Variants in DLGAP2 observed in about 807,000 individuals in gnomAD.
DLGAP2 encodes disks large-associated protein 2.
DLGAP2 carries 26 observed loss-of-function variants against 100.3 expected under a neutral mutation model. The observed-to-expected ratio is 0.26, with a 90% CI of 0.19 to 0.36. The LOEUF is 0.36. DLGAP2 is among the 10% of genes least tolerant of loss of function. The pLI is 1.00. For missense variants in DLGAP2, 1,858 were observed against 1,453.2 expected (o/e 1.28, Z -4.53); for synonymous variants, 886 against 630.1 (o/e 1.41, Z -6.08).
intron 2 of DLGAP2, among the ~76,000 whole-genome samples, chr8:929,167 C>T (rs557299538): frequency 0.67 from 447 of 670 alleles, 157 homozygotes; most frequent in Non-Finnish European, 0.7. Flanking sequence ...CCAGACCCCC[C>T]GCCATTCCCC....
chr8:842,028 C>T (rs1277284880), intron 1 of DLGAP2, among the ~76,000 whole-genome samples: 5 of 152,190 alleles, frequency 3.3e-5, no homozygotes, highest in Admixed American at 1.3e-4. Flanking sequence ...AAGTACCTTT[C>T]TCACATGCTC....
intron 7 of DLGAP2, among the ~76,000 whole-genome samples, chr8:1,631,832 A>C (rs7820955): frequency 6.6e-6 from 1 of 152,208 alleles, no homozygotes; most frequent in Non-Finnish European, 1.5e-5. Flanking sequence ...ACTTGGAGAC[A>C]GGCAACCAGT....
intron 3 of DLGAP2, among the ~76,000 whole-genome samples, chr8:1,348,585 CATTA>C (rs1394071979): frequency 2.1e-4 from 31 of 146,196 alleles, no homozygotes; most frequent in Non-Finnish European, 4.1e-4. Context: ...GTTGAGTTCC[CATTA>C]ACATCTGCAT....
intron 2 of DLGAP2, among the ~76,000 whole-genome samples, chr8:980,950 A>G (rs542769945): frequency 3.9e-5 from 6 of 152,146 alleles, no homozygotes; most frequent in Admixed American, 6.5e-5. Flanking sequence ...TACCATTTTA[A>G]TCATCTGGGT....
In DLGAP2 at chr8:1,678,284, C is replaced by A. The variant is rs373588394; in HGVS notation, c.2359C>A (p.Pro787Thr). The A allele has an allele frequency of 1.4e-5, 22 of 1,613,636 alleles. No homozygotes were observed. Among genetic ancestry groups the A allele is most frequent in the Middle Eastern group, 1.6e-4 (1 of 6,082 alleles). ...VQADLELEGF[P>T]GHITTEDKGL... ...AGCTGACCTGGAGCTGGAGGGGTTC[C>A]CAGGCCACATCACCACGGAGGACAA... The change falls in exon 12 of 15, where the codon CCA becomes ACA. Residue 787 changes from proline (P) to threonine (T), a missense_variant. Pro to Thr is a conservative substitution (Grantham distance 38). Transcript: ENST00000637795.
chr8:1,433,374 A>T (rs1383152777), intron 3 of DLGAP2, among the ~76,000 whole-genome samples: 1 of 152,176 alleles, frequency 6.6e-6, no homozygotes, highest in Non-Finnish European at 1.5e-5. Context: ...CACAAACAGG[A>T]GGGGTTGGTC....
chr8:1,191,319 C>T lies in DLGAP2; in HGVS notation c.74-67532C>T, dbSNP rs542933350. Among the ~76,000 whole-genome samples, 918 of 151,894 alleles carry T rather than the reference C, an allele frequency of 6.0e-3. 7 individuals are homozygous for T. Among genetic ancestry groups the T allele is most frequent in the African/African-American group, 0.02 (843 of 41,410 alleles). Reference sequence around the variant, plus strand: ...CCGAGTAGCTGGGACTACAGGCACCCGCCACCACGCCCGGCTAATTTTTTG... The same window carrying T: ...CCGAGTAGCTGGGACTACAGGCACCTGCCACCACGCCCGGCTAATTTTTTG... On this transcript the variant is annotated intron_variant, in intron 2 of 14. Transcript: ENST00000637795.
intron 2 of DLGAP2, among the ~76,000 whole-genome samples, chr8:975,546 A>G (rs1437891258): frequency 1.3e-5 from 2 of 152,198 alleles, no homozygotes; most frequent in African/African-American, 4.8e-5. Context: ...ATAATTTTAC[A>G]CCATGACCAA....
chr8:1,524,437 GC>G (rs1563200992), intron 4 of DLGAP2, among the ~76,000 whole-genome samples: 1 of 152,140 alleles, frequency 6.6e-6, no homozygotes, highest in African/African-American at 2.4e-5. Context: ...AGCTTGGGCA[GC>G]CCTAACTAAG....
At chr8:1,055,958 G>A (rs1585019115) in intron 2 of DLGAP2, among the ~76,000 whole-genome samples, 1 of 152,294 alleles carries the variant, frequency 6.6e-6, no homozygotes, top group African/African-American at 2.4e-5. Context: ...TTGGATTGTG[G>A]TCACCTTGGT....
At chr8:1,649,472 A>G (rs908429899) in intron 8 of DLGAP2, among the ~76,000 whole-genome samples, 4 of 152,234 alleles carry the variant, frequency 2.6e-5, no homozygotes, top group African/African-American at 7.2e-5. Flanking sequence ...ATTAAATGAG[A>G]ATGATTACTC....
intron 4 of DLGAP2, among the ~76,000 whole-genome samples, chr8:1,517,138 A>T (rs915106363): frequency 2.6e-5 from 4 of 151,744 alleles, no homozygotes; most frequent in African/African-American, 9.7e-5. Flanking sequence ...TGAGCTGGGG[A>T]CCCCCATGGC....
At chr8:1,147,929 C>G (rs1796635041) in intron 2 of DLGAP2, among the ~76,000 whole-genome samples, 1 of 152,172 alleles carries the variant, frequency 6.6e-6, no homozygotes, top group Admixed American at 6.5e-5. Context: ...ACGTTTACAA[C>G]AGATTGTCTA....
intron 3 of DLGAP2, among the ~76,000 whole-genome samples, chr8:1,389,437 A>G (rs945911736): frequency 3.9e-5 from 6 of 152,220 alleles, no homozygotes; most frequent in African/African-American, 1.4e-4. Context: ...GGAGTTGACA[A>G]GGGGCCCTGC....
At position 1,188,168 on chromosome 8, in the gene DLGAP2, C is replaced by G. The variant is rs557848387; in HGVS notation, c.74-70683C>G. Among the ~76,000 whole-genome samples the G allele has an allele frequency of 3.1e-5, 4 of 127,734 alleles. 1 individual carries two copies. In the South Asian group the frequency reaches 1.0e-3, roughly 33 times the overall value. 83.8% of individuals were successfully genotyped at this position (127,734 alleles called of 152,430 possible). A position where few individuals can be genotyped will look rare whatever the true frequency, so the allele number is the denominator to read the frequency against. ...CGGGACTTCCGTGACGTTTCCCTCACGGAATCTCACACGCCCGGGACCTCT... is the reference window on the plus strand; with the variant it reads ...CGGGACTTCCGTGACGTTTCCCTCAGGGAATCTCACACGCCCGGGACCTCT... On this transcript the variant is annotated intron_variant, in intron 2 of 14. Transcript: ENST00000637795.
intron 2 of DLGAP2, chr8:1,250,703 G>C (rs1388092452): frequency 1.3e-5 from 2 of 152,142 alleles, no homozygotes; most frequent in Non-Finnish European, 2.9e-5. Flanking sequence ...TCCTGGGTTT[G>C]CCTTCACGTT....
At chr8:960,237 C>CTT (rs71528625) in intron 2 of DLGAP2, among the ~76,000 whole-genome samples, 2,623 of 44,682 alleles carry the variant, frequency 0.059, 591 homozygotes, top group African/African-American at 0.22. Flanking sequence ...TGAAGTATAT[C>CTT]TTTTTTTTTT....
chr8:769,389 T>C (rs541036939), intron 1 of DLGAP2, among the ~76,000 whole-genome samples: 1 of 151,962 alleles, frequency 6.6e-6, no homozygotes, highest in African/African-American at 2.4e-5. Context: ...GGATGCCCCA[T>C]AACAAGCAAA....
In DLGAP2 at chr8:1,668,602, G is replaced by A. The variant is rs369795477; in HGVS notation, c.2084G>A (p.Arg695Gln). 3.0e-5 allele frequency: 48 copies of A among 1,599,580 alleles called. No individual in the cohort carries two copies. Among genetic ancestry groups the A allele is most frequent in the Admixed American group, 1.0e-4 (6 of 58,270 alleles). The change falls in exon 9 of 15, where the codon CGG (arginine) becomes CAG (glutamine). Residue 695 changes from arginine to glutamine, a missense_variant. By Grantham distance (43) the Arg-to-Gln change is conservative. Coordinates refer to ENST00000637795, the MANE Select transcript of DLGAP2 (RefSeq NM_001346810.2). ...HLPESQSSSV[R>Q]TSDKAILVSK... ...CCAGAGAGCCAGAGCAGCTCTGTGCGGACCAGCGACAAGGCCATCCTGGTG... is the reference window on the plus strand; with the variant it reads ...CCAGAGAGCCAGAGCAGCTCTGTGCAGACCAGCGACAAGGCCATCCTGGTG...
Sources: gnomAD v4.1 joint callset for allele counts (sites outside exome capture counted in the v4.1 genomes callset) on GRCh38, gnomAD v4.1.1 for gene constraint, MANE v1.5 for transcripts, NCBI Gene and HGNC (gene_info 2026-07-23, HGNC 2026-07-21) for gene names.